AMHR2: variants seen among roughly 807,000 people sequenced by gnomAD.
AMHR2 encodes the protein anti-Muellerian hormone type-2 receptor.
Under a neutral mutation model 61.4 loss-of-function variants are expected in AMHR2, and 36 were observed. The observed-to-expected ratio is 0.59, with a 90% CI of 0.45 to 0.77. The LOEUF (loss-of-function observed/expected upper bound fraction) is 0.77. Among genes scored for constraint, AMHR2 ranks in the 30% least tolerant of loss-of-function variants. The pLI is 0.00. For synonymous variants in AMHR2, 258 were observed against 279.4 expected (o/e 0.92, Z 0.76); for missense variants, 638 against 714.6 (o/e 0.89, Z 1.22).
At position 53,430,688 on chromosome 12, in the gene AMHR2, A is replaced by G. The variant is rs531320683; in HGVS notation, c.1425+406A>G. 58 of 365,646 alleles carry G rather than the reference A, an allele frequency of 1.6e-4. 2 individuals are homozygous for G. The Admixed American group carries it at 2.2e-3, about 14-fold the overall frequency. The allele number at this position is 365,646 out of a possible 1,614,324, so 22.7% of individuals were successfully genotyped here. On this transcript the variant is annotated intron_variant, in intron 10 of 10. Coordinates refer to ENST00000257863, the MANE Select transcript of AMHR2 (RefSeq NM_020547.3). ...TCAATAAGTCCCCATTCTGTCATAC[A>G]TTGATGATGTTTCTGCTGTGACCCA... is the stretch of plus-strand genomic sequence containing the variant.
intron 10 of AMHR2, 61 bp downstream of exon 10, chr12:53,430,343 A>C: frequency 6.2e-7 from 1 of 1,612,928 alleles, no homozygotes. Flanking sequence ...ATGGGCTTCA[A>C]GGACGTCTCT....
intron 2 of AMHR2, 100 bp from the exon 3 acceptor site, chr12:53,424,608 GC>G (rs1939372506): frequency 6.6e-7 from 1 of 1,522,518 alleles, no homozygotes; most frequent in Non-Finnish European, 9.0e-7. Context: ...TGGAAGGGAC[GC>G]CTCTGATAGA....
At position 53,431,226 on chromosome 12, in the gene AMHR2, C is replaced by T; in HGVS notation, c.1475C>T (p.Pro492Leu). ...ELLEDCWDAD[P>L]EARLTAECVQ... ...CTAGAAGACTGTTGGGATGCAGACC[C>T]AGAAGCACGGCTGACAGCTGAGTGT... The change falls in exon 11 of 11, where the codon CCA becomes CTA. Residue 492 changes from proline (P) to leucine (L), a missense_variant. Physicochemically the swap from Pro to Leu is moderately conservative, Grantham distance 98. Coordinates refer to ENST00000257863, the MANE Select transcript of AMHR2 (RefSeq NM_020547.3). 5.6e-6 allele frequency: 9 copies of T among 1,614,228 alleles called. No individual in the cohort carries two copies. The highest frequency in any genetic ancestry group is 6.8e-6 in the Non-Finnish European group (8 of 1,180,044).
chr12:53,430,027 T>A, intron 9 of AMHR2, 49 bp downstream of exon 9: 1 of 1,614,178 alleles, frequency 6.2e-7, no homozygotes, highest in East Asian at 2.2e-5. Context: ...CCCCGCCCAT[T>A]CTAGGTTCAC....
At position 53,431,435 on chromosome 12, in the gene AMHR2, A is replaced by G. The variant is rs1025595907; in HGVS notation, c.1684A>G (p.Arg562Gly). The change falls in exon 11 of 11, where the codon AGG (arginine) becomes GGG (glycine). Residue 562 changes from arginine (R) to glycine (G), a missense_variant. Coordinates refer to ENST00000257863, the MANE Select transcript of AMHR2 (RefSeq NM_020547.3). ...CAGCGTTCAGCAAGGCCCTTGTTCC[A>G]GGAATCCTCAGCCTGCCTGTACCCT... ...HFSVQQGPCS[R>G]NPQPACTLSP... is the part of the protein sequence containing the mutation. The G allele has an allele frequency of 2.8e-5, 46 of 1,614,120 alleles. No individual in the cohort carries two copies. Among genetic ancestry groups the G allele is most frequent in the Non-Finnish European group, 3.6e-5 (43 of 1,180,050 alleles).
At chr12:53,428,481 G>T (rs571606434) in intron 6 of AMHR2, among the ~76,000 whole-genome samples, 37 of 152,252 alleles carry the variant, frequency 2.4e-4, no homozygotes, top group African/African-American at 8.7e-4. Flanking sequence ...AGTATAAGGT[G>T]GTGGTTATTA....
At chr12:53,425,331 C>G in intron 4 of AMHR2, 89 bp downstream of exon 4, 5 of 1,606,824 alleles carry the variant, frequency 3.1e-6, no homozygotes, top group Non-Finnish European at 4.2e-6. Flanking sequence ...ACCCCATGGT[C>G]TTGGGATCTC....
Position 53,424,294 on chromosome 12 carries a change from C to G in AMHR2, c.56C>G (p.Pro19Arg), listed in dbSNP as rs780240281. Residue 19 changes from proline to arginine, a missense_variant, in exon 2 of 11, where the codon CCA becomes CGA. Pro to Arg is a moderately radical substitution (Grantham distance 103, BLOSUM62 -2). Coordinates refer to ENST00000257863, the MANE Select transcript of AMHR2 (RefSeq NM_020547.3). ...TCCCCACCCTGGGCCTCAGCACCCC[C>G]AAACAGGCGAACCTGTGTGTTCTTT... ...ALLPTAVEAP[P>R]NRRTCVFFEA... The G allele has an allele frequency of 6.2e-7, 1 of 1,612,490 alleles. No individual in the cohort carries two copies. The highest frequency in any genetic ancestry group is 2.2e-5 in the East Asian group (1 of 44,878).
Position 53,429,949 on chromosome 12 carries a change from T to A in AMHR2, c.1259T>A (p.Ile420Lys), listed in dbSNP as rs1399074306. The stretch of plus-strand genomic sequence containing the variant: ...TCTTTGGCTCTGCTCCTGTGGGAGA[T>A]ACTGAGCCGCTGCCCAGATTTGAGG... ...IYSLALLLWE[I>K]LSRCPDLRPD... The change falls in exon 9 of 11, where the codon ATA (isoleucine) becomes AAA (lysine). Residue 420 changes from isoleucine (I) to lysine (K), a missense_variant. Physicochemically the swap from Ile to Lys is moderately radical, Grantham distance 102 (BLOSUM62 -3). Coordinates refer to ENST00000257863, the MANE Select transcript of AMHR2 (RefSeq NM_020547.3). The A allele has an allele frequency of 6.2e-7, 1 of 1,614,190 alleles. No homozygotes were observed. Among genetic ancestry groups the A allele is most frequent in the Non-Finnish European group, 8.5e-7 (1 of 1,180,032 alleles).
Position 53,431,646 on chromosome 12 carries a change from G to A in AMHR2, c.*173G>A. 3 of 791,982 alleles carry A rather than the reference G, an allele frequency of 3.8e-6. No homozygotes were observed. Among genetic ancestry groups the A allele is most frequent in the Non-Finnish European group, 6.3e-6 (3 of 479,092 alleles). The allele number at this position is 791,982 out of a possible 1,614,324, so 49.1% of individuals were successfully genotyped here. On this transcript the variant is annotated 3_prime_UTR_variant, in exon 11 of 11. Transcript: ENST00000257863. ...ACTTGGGGTAGGTGTGCACAGGAAAGAGAATAAAGTCAGCTTTCCTGATGC... is the reference window on the plus strand; with the variant it reads ...ACTTGGGGTAGGTGTGCACAGGAAAAAGAATAAAGTCAGCTTTCCTGATGC...
In AMHR2 at chr12:53,425,715, G is replaced by A. The variant is rs1287143385; in HGVS notation, c.648G>A (p.Val216=). 1 of 1,614,182 alleles carries A rather than the reference G, an allele frequency of 6.2e-7. No individual in the cohort carries two copies. The highest frequency in any genetic ancestry group is 8.5e-7 in the Non-Finnish European group (1 of 1,180,030). The change falls in exon 6 of 11, where the codon GTG becomes GTA. Residue 216 remains valine (V), a synonymous_variant. Coordinates refer to ENST00000257863, the MANE Select transcript of AMHR2 (RefSeq NM_020547.3). ...TAATCCGGGAAGGAGGTCATGCAGTGGTTTGGGCCGGGCAGCTGCAAGGAA... is the reference window on the plus strand; with the variant it reads ...TAATCCGGGAAGGAGGTCATGCAGTAGTTTGGGCCGGGCAGCTGCAAGGAA... ...SQVIREGGHA[V]VWAGQLQGKL...
In AMHR2 at chr12:53,430,299, G is replaced by C. The variant is rs778710514; in HGVS notation, c.1425+17G>C. 2.0e-5 allele frequency: 33 copies of C among 1,614,042 alleles called. No individual in the cohort carries two copies. In the Admixed American group the frequency reaches 5.5e-4, roughly 27 times the overall value. On this transcript the variant is annotated intron_variant, in intron 10 of 10. Coordinates refer to ENST00000257863, the MANE Select transcript of AMHR2 (RefSeq NM_020547.3). ...TTTGCCACAGTAAGAGGCCTAGGCT[G>C]TTGGTCTGGGAACCTGGAGAGTGGG...
At chr12:53,425,046 G>A (rs1939430764) in intron 3 of AMHR2, 119 bp from the exon 4 acceptor site, 1 of 1,580,954 alleles carries the variant, frequency 6.3e-7, no homozygotes, top group East Asian at 2.2e-5. Context: ...GTGACTGGGA[G>A]ATAAGGGGTC....
In AMHR2 at chr12:53,429,907, G is replaced by A. The variant is rs137853104; in HGVS notation, c.1217G>A (p.Arg406Gln). 1.3e-5 allele frequency: 21 copies of A among 1,614,052 alleles called. No individual in the cohort carries two copies. Among genetic ancestry groups the A allele is most frequent in the Non-Finnish European group, 1.7e-5 (20 of 1,180,034 alleles). The change falls in exon 9 of 11, where the codon CGA (arginine) becomes CAA (glutamine). Residue 406 changes from arginine to glutamine, a missense_variant. Transcript: ENST00000257863. The part of the protein sequence containing the change: ...LDLQDWGMAL[R>Q]RADIYSLALL... ...CTACAGGATTGGGGCATGGCCCTCC[G>A]ACGAGCTGATATTTACTCTTTGGCT...
At position 53,423,941 on chromosome 12, in the gene AMHR2, G is replaced by C; in HGVS notation, c.7G>C (p.Gly3Arg). The C allele has an allele frequency of 6.2e-7, 1 of 1,614,162 alleles. No individual in the cohort carries two copies. The highest frequency in any genetic ancestry group is 1.1e-5 in the South Asian group (1 of 91,076). Reference protein sequence around the residue: MLGSLGLWALLPT... With the variant: MLRSLGLWALLPT... ...GCTGCCATCCTCCAGCAAGATGCTA[G>C]GGTCTTTGGGGCTTTGGGCATTACT... The change falls in exon 1 of 11, where the codon GGG becomes CGG. Residue 3 changes from glycine to arginine, a missense_variant. By Grantham distance (125) the Gly-to-Arg change is moderately radical (BLOSUM62 -2). Coordinates refer to ENST00000257863, the MANE Select transcript of AMHR2 (RefSeq NM_020547.3).
chr12:53,426,080 C>G (rs1939555553), intron 6 of AMHR2, among the ~76,000 whole-genome samples, 161 bp downstream of exon 6: 1 of 152,184 alleles, frequency 6.6e-6, no homozygotes. Context: ...CCTGTAATCC[C>G]AGGACTTTGG....
Position 53,425,461 on chromosome 12 carries a change from T to C in AMHR2, c.509T>C (p.Leu170Pro). 6.2e-7 allele frequency: 1 copy of C among 1,613,954 alleles called. No individual in the cohort carries two copies. The highest frequency in any genetic ancestry group is 8.5e-7 in the Non-Finnish European group (1 of 1,180,024). Residue 170 changes from leucine to proline, a missense_variant, in exon 5 of 11, where the codon CTA becomes CCA. Coordinates refer to ENST00000257863, the MANE Select transcript of AMHR2 (RefSeq NM_020547.3). ...LLLGSIILAL[L>P]QRKNYRVRGE... ...AGGCTCTTGTCTGTTCCAGCCCTGCTACAGCGAAAGAACTACAGAGTGCGA... is the reference window on the plus strand; with the variant it reads ...AGGCTCTTGTCTGTTCCAGCCCTGCCACAGCGAAAGAACTACAGAGTGCGA...
At chr12:53,426,872 G>A (rs1031454065) in intron 6 of AMHR2, among the ~76,000 whole-genome samples, 5 of 151,192 alleles carry the variant, frequency 3.3e-5, no homozygotes, top group Non-Finnish European at 5.9e-5. Flanking sequence ...TAGTAGAGAC[G>A]GGGTTTCACC....
chr12:53,428,772 T>C (rs1939834862), intron 6 of AMHR2, 124 bp from the exon 7 acceptor site: 1 of 729,518 alleles, frequency 1.4e-6, no homozygotes, highest in African/African-American at 1.7e-5. Flanking sequence ...TTGGCCAGCA[T>C]CCATCAGTGT....
Sources: gnomAD v4.1 joint callset for allele counts (sites outside exome capture counted in the v4.1 genomes callset) on GRCh38, gnomAD v4.1.1 for gene constraint, MANE v1.5 for transcripts, NCBI Gene and HGNC (gene_info 2026-07-23, HGNC 2026-07-21) for gene names.